Variants in RBFOX1 observed in about 807,000 individuals in gnomAD.
RBFOX1 encodes the protein RNA binding fox-1 homolog 1.
RBFOX1 carries 8 observed loss-of-function variants against 57.7 expected under a neutral mutation model. The observed-to-expected ratio is 0.14, with a 90% confidence interval of 0.08 to 0.25. The LOEUF (loss-of-function observed/expected upper bound fraction) is 0.25, where lower values mean the gene tolerates loss of function less well. Ranked by LOEUF, RBFOX1 falls within the 10% of genes least tolerant of loss-of-function variation. The probability of loss-of-function intolerance (pLI) is 1.00; values close to 1 mark genes in which losing one functional copy is unlikely to be tolerated. For synonymous variants in RBFOX1, 326 were observed against 222.4 expected, an observed-to-expected ratio of 1.47 and a Z score of -4.15; for missense variants, 611 against 548.5, an observed-to-expected ratio of 1.11 and a Z score of -1.14.
At chr16:6,785,977 T>G (rs753464328) in intron 3 of RBFOX1, among the ~76,000 whole-genome samples, 5 of 152,158 alleles carry the variant, frequency 3.3e-5, no homozygotes, top group Non-Finnish European at 7.3e-5. Flanking sequence ...CAACAGACCA[T>G]CCTTCCAAAT....
intron 4 of RBFOX1, among the ~76,000 whole-genome samples, chr16:5,980,541 G>C (rs865810894): frequency 6.6e-6 from 1 of 152,152 alleles, no homozygotes; most frequent in Non-Finnish European, 1.5e-5. Context: ...GTGATCCTCC[G>C]CATTCTCAGA....
intron 11 of RBFOX1, among the ~76,000 whole-genome samples, chr16:7,640,331 C>A (rs1055376345): frequency 6.6e-6 from 1 of 152,234 alleles, no homozygotes; most frequent in East Asian, 1.9e-4. Flanking sequence ...AGCTGCCATG[C>A]AGCTCTCTGT....
chr16:6,733,452 A>G (rs965665082), intron 3 of RBFOX1, among the ~76,000 whole-genome samples: 2 of 152,214 alleles, frequency 1.3e-5, no homozygotes, highest in Admixed American at 1.3e-4. Flanking sequence ...ATTAAATTAA[A>G]AAAGGTTTTT....
chr16:6,251,260 TGA>T (rs2097608742), intron 1 of RBFOX1, among the ~76,000 whole-genome samples: 1 of 151,740 alleles, frequency 6.6e-6, no homozygotes, highest in South Asian at 2.1e-4. Context: ...CCCCAGAGAG[TGA>T]GAGTCACATG....
chr16:5,940,725 AATC>A (rs1261195678), intron 4 of RBFOX1, among the ~76,000 whole-genome samples: 2 of 152,194 alleles, frequency 1.3e-5, no homozygotes, highest in African/African-American at 4.8e-5. Flanking sequence ...GGGAAAATGA[AATC>A]ATTCAAGTGG....
intron 3 of RBFOX1, among the ~76,000 whole-genome samples, chr16:5,762,590 G>T (rs141541806): frequency 1.3e-5 from 2 of 152,296 alleles, no homozygotes; most frequent in Non-Finnish European, 2.9e-5. Context: ...GGATGTGTTC[G>T]CAAACTTAGC....
At chr16:6,409,224 G>T (rs1296089663) in intron 2 of RBFOX1, among the ~76,000 whole-genome samples, 1 of 152,140 alleles carries the variant, frequency 6.6e-6, no homozygotes, top group Non-Finnish European at 1.5e-5. Flanking sequence ...GACCAGTCTG[G>T]CCAATATAGT....
chr16:7,687,138 C>T (rs537953016), intron 14 of RBFOX1, among the ~76,000 whole-genome samples: 1 of 152,116 alleles, frequency 6.6e-6, no homozygotes, highest in East Asian at 1.9e-4. Flanking sequence ...GGTTACTTGT[C>T]TGTGTATACC....
At chr16:7,483,673 G>A (rs1269341631) in intron 4 of RBFOX1, among the ~76,000 whole-genome samples, 1 of 152,072 alleles carries the variant, frequency 6.6e-6, no homozygotes, top group East Asian at 1.9e-4. Flanking sequence ...GGGAAATATT[G>A]GTATTTTAAA....
At chr16:6,534,366 C>G (rs1046422009) in intron 2 of RBFOX1, among the ~76,000 whole-genome samples, 4 of 151,974 alleles carry the variant, frequency 2.6e-5, no homozygotes, top group Non-Finnish European at 2.9e-5. Flanking sequence ...ATGAAGCTGA[C>G]GAACAGGAGA....
chr16:5,367,932 A>T (rs371844253), intron 1 of RBFOX1, among the ~76,000 whole-genome samples: 3 of 152,180 alleles, frequency 2.0e-5, no homozygotes, highest in Admixed American at 1.3e-4. Flanking sequence ...CACCTCATGC[A>T]CTTGACCTTG....
At chr16:5,693,725 C>G (rs1479506221) in intron 3 of RBFOX1, among the ~76,000 whole-genome samples, 2 of 152,202 alleles carry the variant, frequency 1.3e-5, no homozygotes, top group Non-Finnish European at 2.9e-5. Context: ...CTTCCTCTTT[C>G]CCATTCTATC....
Position 7,490,343 on chromosome 16 carries a change from C to G in RBFOX1, c.28-27804C>G, listed in dbSNP as rs1234644216. Among the ~76,000 whole-genome samples the G allele has an allele frequency of 3.9e-5, 6 of 152,306 alleles. No individual in the cohort carries two copies. In the South Asian group the frequency reaches 8.3e-4, roughly 21 times the overall value. Reference sequence around the variant, plus strand: ...TAGACTAGGGGAGGCTCAGCTCTATCAGGGCTCTATCCCTGGCGAGATTAG... The same window carrying G: ...TAGACTAGGGGAGGCTCAGCTCTATGAGGGCTCTATCCCTGGCGAGATTAG... On this transcript the variant is annotated intron_variant, in intron 4 of 15. Transcript: ENST00000550418.
intron 4 of RBFOX1, among the ~76,000 whole-genome samples, chr16:7,366,442 C>T (rs187356797): frequency 2.4e-4 from 36 of 152,252 alleles, no homozygotes; most frequent in Non-Finnish European, 5.0e-4. Flanking sequence ...AAAAATCATC[C>T]GGTCCAGCCT....
At chr16:5,808,098 T>C (rs1415232279) in intron 3 of RBFOX1, among the ~76,000 whole-genome samples, 1 of 152,166 alleles carries the variant, frequency 6.6e-6, no homozygotes, top group Non-Finnish European at 1.5e-5. Context: ...AAGTCCTAGC[T>C]CCTGGTATAT....
chr16:7,155,698 C>CAAA (rs1204208973), intron 4 of RBFOX1, among the ~76,000 whole-genome samples: 91 of 24,338 alleles, frequency 3.7e-3, no homozygotes, highest in African/African-American at 0.022. Context: ...CTCCTCCCAC[C>CAAA]AAAAAAAAAA....
intron 4 of RBFOX1, among the ~76,000 whole-genome samples, chr16:5,977,462 G>A (rs2060088147): frequency 6.6e-6 from 1 of 152,186 alleles, no homozygotes; most frequent in African/African-American, 2.4e-5. Context: ...GGGGAGATTA[G>A]TTCGAAATGG....
chr16:6,906,058 T>C (rs2069811123), intron 3 of RBFOX1, among the ~76,000 whole-genome samples: 1 of 152,148 alleles, frequency 6.6e-6, no homozygotes, highest in East Asian at 1.9e-4. Flanking sequence ...AACAGTGAGC[T>C]CATCTCCACC....
At chr16:7,005,497 C>A (rs897361332) in intron 3 of RBFOX1, among the ~76,000 whole-genome samples, 2 of 152,142 alleles carry the variant, frequency 1.3e-5, no homozygotes, top group African/African-American at 4.8e-5. Flanking sequence ...CCAGTAATGG[C>A]AGGTGAACGA....
Sources: gnomAD v4.1 joint callset for allele counts (sites outside exome capture counted in the v4.1 genomes callset) on GRCh38, gnomAD v4.1.1 for gene constraint, MANE v1.5 for transcripts, NCBI Gene and HGNC (gene_info 2026-07-23, HGNC 2026-07-21) for gene names.